The following TRIM9 variants were observed in gnomAD, a reference collection of about 807,000 sequenced individuals.
TRIM9 encodes tripartite motif containing 9.
A neutral mutation model predicts 78.3 loss-of-function variants in TRIM9; 26 were observed. The observed-to-expected ratio is 0.33, with a 90% CI of 0.24 to 0.46. The LOEUF (loss-of-function observed/expected upper bound fraction) is 0.46, where lower values mean the gene tolerates loss of function less well. TRIM9 is among the 20% of genes least tolerant of loss of function. The pLI is 1.00. For synonymous variants in TRIM9, 398 were observed against 416.5 expected (o/e 0.96, Z 0.54); for missense variants, 787 against 1,036.4 (o/e 0.76, Z 3.30).
chr14:51,023,033 T>A (rs928519008), intron 2 of TRIM9, 76 bp from the exon 3 acceptor site: 1 of 1,589,018 alleles, frequency 6.3e-7, no homozygotes, highest in East Asian at 2.2e-5. Context: ...AGCTCCCCCA[T>A]CCTGCTGAAG....
intron 7 of TRIM9, chr14:50,997,564 C>T (rs2054384745): frequency 6.0e-6 from 6 of 999,582 alleles, no homozygotes; most frequent in African/African-American, 1.7e-5. Flanking sequence ...GCTCTAGCAC[C>T]CCACCACCCA....
intron 1 of TRIM9, among the ~76,000 whole-genome samples, chr14:51,032,942 A>C (rs1363758130): frequency 6.6e-6 from 1 of 152,186 alleles, no homozygotes; most frequent in Non-Finnish European, 1.5e-5. Context: ...ATTTTGGAGC[A>C]CTTCAGATTT....
chr14:50,977,382 G>A (rs2051175585), intron 12 of TRIM9, 29 bp from the exon 13 acceptor site: 3 of 1,490,354 alleles, frequency 2.0e-6, no homozygotes, highest in East Asian at 2.6e-5. Context: ...AGTCCTGAGA[G>A]GCATCGTGCA....
In TRIM9 at chr14:51,049,836, T is replaced by A. The variant is rs542122605; in HGVS notation, c.823-24476A>T. Among the ~76,000 whole-genome samples the A allele has an allele frequency of 2.9e-3, 432 of 148,132 alleles. 3 individuals carry two copies. Among genetic ancestry groups the A allele is most frequent in the African/African-American group, 8.3e-3 (325 of 39,354 alleles). ...CGAGACTCTGTCTCAAAAAAAAAAA[T>A]AAAATAAAATAAAAATAAAAAGATT... On this transcript the variant is annotated intron_variant, in intron 1 of 12. Transcript: ENST00000684578.
Position 51,061,273 on chromosome 14 carries a change from C to T in TRIM9, c.822+32845G>A, listed in dbSNP as rs145667973. The stretch of plus-strand genomic sequence containing the variant: ...ACGAAAAATATAAAAGTTAGCTGGG[C>T]GTGGTGGTGGGCACCTGTAATCCCA... On this transcript the variant is annotated intron_variant, in intron 1 of 12. Coordinates refer to ENST00000684578, the MANE Select transcript of TRIM9 (RefSeq NM_001387360.1). Among the ~76,000 whole-genome samples the T allele has an allele frequency of 2.6e-3, 397 of 152,054 alleles. 2 individuals carry two copies. Among genetic ancestry groups the T allele is most frequent in the African/African-American group, 9.1e-3 (376 of 41,488 alleles).
chr14:51,006,686 C>T (rs1596153991), intron 5 of TRIM9, among the ~76,000 whole-genome samples: 1 of 152,064 alleles, frequency 6.6e-6, no homozygotes, highest in South Asian at 2.1e-4. Flanking sequence ...AGACTATAAT[C>T]CAGTATTATA....
intron 7 of TRIM9, chr14:50,996,213 G>A (rs2054189295): frequency 7.1e-6 from 7 of 985,250 alleles, no homozygotes; most frequent in South Asian, 4.7e-5. Context: ...TAAAATTCAT[G>A]GAGGAAATTA....
intron 1 of TRIM9, among the ~76,000 whole-genome samples, chr14:51,035,918 C>T (rs561838280): frequency 1.3e-5 from 2 of 152,380 alleles, no homozygotes; most frequent in African/African-American, 4.8e-5. Context: ...AGCATGCTCC[C>T]TGACAGAGCC....
intron 1 of TRIM9, among the ~76,000 whole-genome samples, chr14:51,075,949 T>C (rs2062743590): frequency 6.6e-6 from 1 of 152,218 alleles, no homozygotes; most frequent in African/African-American, 2.4e-5. Flanking sequence ...TACACTTCTA[T>C]TTATTATTTT....
chr14:51,027,198 C>T (rs1324970502), intron 1 of TRIM9, among the ~76,000 whole-genome samples: 3 of 127,712 alleles, frequency 2.3e-5, no homozygotes, highest in Non-Finnish European at 4.7e-5. Flanking sequence ...GGCTGAAGTG[C>T]AATGGTGTGA....
In TRIM9 at chr14:50,982,732, A is replaced by T. The variant is rs540583906; in HGVS notation, c.1858+210T>A. The T allele has an allele frequency of 2.5e-5, 13 of 515,344 alleles. 1 individual carries two copies. In the East Asian group the frequency reaches 3.5e-4, roughly 14 times the overall value. The allele number at this position is 515,344 out of a possible 1,614,324, so 31.9% of individuals were successfully genotyped here. A position where few individuals can be genotyped will look rare whatever the true frequency, so the allele number is the denominator to read the frequency against. On this transcript the variant is annotated intron_variant, in intron 10 of 12. Transcript: ENST00000684578. ...TTTGCGTGCTACTCCTGAAACTAACACGTCAGAAATTTTGCTGGAGCAGTA... is the reference window on the plus strand; with the variant it reads ...TTTGCGTGCTACTCCTGAAACTAACTCGTCAGAAATTTTGCTGGAGCAGTA...
At chr14:51,003,646 T>TA (rs34298749) in intron 5 of TRIM9, among the ~76,000 whole-genome samples, 65 of 137,602 alleles carry the variant, frequency 4.7e-4, no homozygotes, top group South Asian at 1.6e-3. Context: ...ACCAAAAGGA[T>TA]AAAAAAAAAA....
chr14:51,047,099 C>T (rs938907688), intron 1 of TRIM9, among the ~76,000 whole-genome samples: 3 of 152,088 alleles, frequency 2.0e-5, no homozygotes, highest in Admixed American at 6.6e-5. Flanking sequence ...AGTCCTGTGA[C>T]GGTATCTGCC....
chr14:50,981,665 T>C (rs1208548531), intron 11 of TRIM9, 135 bp downstream of exon 11: 2 of 1,090,972 alleles, frequency 1.8e-6, no homozygotes, highest in East Asian at 4.8e-5. Flanking sequence ...GGCTCATAGA[T>C]TGCCTGTGCT....
chr14:51,064,827 C>G (rs904062293), intron 1 of TRIM9, among the ~76,000 whole-genome samples: 5 of 151,944 alleles, frequency 3.3e-5, no homozygotes, highest in African/African-American at 1.2e-4. Flanking sequence ...TTCTGAATAT[C>G]CCATATCTAT....
intron 1 of TRIM9, among the ~76,000 whole-genome samples, chr14:51,062,057 T>G (rs1240685497): frequency 6.6e-6 from 1 of 152,180 alleles, no homozygotes; most frequent in East Asian, 1.9e-4. Context: ...GTTCACTGAT[T>G]CTTTCTGCCG....
At chr14:51,063,390 C>CTCTACTT (rs2061496378) in intron 1 of TRIM9, among the ~76,000 whole-genome samples, 1 of 151,806 alleles carries the variant, frequency 6.6e-6, no homozygotes, top group South Asian at 2.1e-4. Flanking sequence ...TAGAGTAGAA[C>CTCTACTT]AAGGAAGGGA....
In TRIM9 at chr14:51,009,224, C is replaced by T. The variant is rs757153531; in HGVS notation, c.1162G>A (p.Ala388Thr). The T allele has an allele frequency of 1.7e-5, 28 of 1,613,850 alleles. No individual in the cohort carries two copies. The highest frequency in any genetic ancestry group is 6.7e-5 in the Admixed American group (4 of 60,012). The change falls in exon 5 of 13, where the codon GCC (alanine) becomes ACC (threonine). Residue 388 changes from alanine (A) to threonine (T), a missense_variant. Physicochemically the swap from Ala to Thr is moderately conservative, Grantham distance 58. This residue lies in a region of TRIM9 where 14 missense variants were observed against 49.8 expected (regional missense o/e 0.28). Transcript: ENST00000684578. ...GTCAGGTGCACTCTTCTTATGAGGGCGTCAGAAATCTAATCAGATAAAGAG... is the reference window on the plus strand; with the variant it reads ...GTCAGGTGCACTCTTCTTATGAGGGTGTCAGAAATCTAATCAGATAAAGAG... Reference protein sequence around the residue: ...DPSGFLQISDALIRRVHLTED... With the variant: ...DPSGFLQISDTLIRRVHLTED...
chr14:51,031,582 C>T (rs577761209), intron 1 of TRIM9, among the ~76,000 whole-genome samples: 2 of 152,342 alleles, frequency 1.3e-5, no homozygotes, highest in East Asian at 3.9e-4. Context: ...TTCCCTCATT[C>T]CCCTTGTAAA....
Sources: allele counts gnomAD v4.1 joint callset (sites outside exome capture counted in the v4.1 genomes callset), GRCh38; gene constraint gnomAD v4.1.1; regional missense constraint gnomAD v4.1.1; transcripts MANE v1.5; gene names NCBI Gene and HGNC (gene_info 2026-07-23, HGNC 2026-07-21).